Variants in USP24 observed in about 807,000 individuals in gnomAD.
USP24 encodes ubiquitin specific peptidase 24, also known as ubiquitin carboxyl-terminal hydrolase 24.
In USP24, 97 loss-of-function variants were observed where a neutral mutation model predicts 361.6. The ratio of observed to expected loss-of-function variants is 0.27; its 90% CI spans 0.23 to 0.32. The LOEUF (loss-of-function observed/expected upper bound fraction) is 0.32, where lower values mean the gene tolerates loss of function less well. Among genes scored for constraint, USP24 ranks in the 10% least tolerant of loss-of-function variants. The pLI is 1.00. For synonymous variants in USP24, 1,098 were observed against 1,124.6 expected (o/e 0.98, Z 0.47); for missense variants, 2,353 against 3,165.6 (o/e 0.74, Z 6.16).
In USP24 at chr1:55,214,964, G is replaced by A. The variant is rs773218262; in HGVS notation, c.150C>T (p.Tyr50=). ...CGCTGTCCATGGGCTCGTAGCCGCCGTAGTCGAGGCCCGGCCGCTCGTTGG... is the reference window on the plus strand; with the variant it reads ...CGCTGTCCATGGGCTCGTAGCCGCCATAGTCGAGGCCCGGCCGCTCGTTGG... ...LLTNERPGLD[Y]GGYEPMDSGG... The change falls in exon 1 of 68, where the codon TAC becomes TAT. Residue 50 remains tyrosine (Y), a synonymous_variant. Transcript: ENST00000294383. The A allele has an allele frequency of 1.4e-6, 2 of 1,428,810 alleles. No individual in the cohort carries two copies. Among genetic ancestry groups the A allele is most frequent in the Non-Finnish European group, 9.2e-7 (1 of 1,086,110 alleles). 88.5% of individuals were successfully genotyped at this position (1,428,810 alleles called of 1,614,324 possible).
At chr1:55,137,360 G>A (rs1221978152) in intron 28 of USP24, among the ~76,000 whole-genome samples, 155 bp downstream of exon 28, 2 of 152,204 alleles carry the variant, frequency 1.3e-5, no homozygotes, top group Non-Finnish European at 2.9e-5. Context: ...GAAGGTGTAA[G>A]TGGGATGAAG....
In USP24 at chr1:55,122,071, GTC is replaced by G. The variant is rs147865829; in HGVS notation, c.4277-567_4277-566del. 3.0e-3 allele frequency among the ~76,000 whole-genome samples: 463 copies of G among 152,290 alleles called. 3 individuals carry two copies. Among genetic ancestry groups the G allele is most frequent in the African/African-American group, 0.011 (450 of 41,566 alleles). On this transcript the variant is annotated intron_variant, in intron 36 of 67. Transcript: ENST00000294383. ...TCATCAGGGAACAAAATGAATAAAAGTCTCTGTCCTCATGGAGCTTTCAATCT... is the reference window on the plus strand; with the variant it reads ...TCATCAGGGAACAAAATGAATAAAAGTCTGTCCTCATGGAGCTTTCAATCT...
chr1:55,160,331 T>A (rs1049571346), intron 8 of USP24, among the ~76,000 whole-genome samples: 1 of 152,254 alleles, frequency 6.6e-6, no homozygotes, highest in Non-Finnish European at 1.5e-5. Context: ...CAGGCAGTTA[T>A]CCAGATAGAA....
rs558504573 is a variant in USP24, at chr1:55,134,476, A to G, written c.3202-63T>C. ...AAAGAATGTTCTCCTTTCCTAATCA[A>G]ACTTACAAACAATAAAAATACTAGT... On this transcript the variant is annotated intron_variant, in intron 28 of 67. Transcript: ENST00000294383. 10 of 1,399,450 alleles carry G rather than the reference A, an allele frequency of 7.1e-6. No individual in the cohort carries two copies. In the South Asian group the frequency reaches 7.3e-5, roughly 10 times the overall value. 86.7% of individuals were successfully genotyped at this position (1,399,450 alleles called of 1,614,324 possible).
intron 67 of USP24, chr1:55,071,586 C>T: frequency 7.8e-7 from 1 of 1,286,914 alleles, no homozygotes; most frequent in Non-Finnish European, 1.0e-6. Flanking sequence ...TGGCCAGCCA[C>T]AAACACCTCG....
In USP24 at chr1:55,089,751, A is replaced by T; in HGVS notation, c.6555-11T>A. 6.4e-7 allele frequency: 1 copy of T among 1,567,932 alleles called. No individual in the cohort carries two copies. Among genetic ancestry groups the T allele is most frequent in the Non-Finnish European group, 8.7e-7 (1 of 1,153,362 alleles). On this transcript the variant is annotated splice_polypyrimidine_tract_variant and intron_variant, in intron 54 of 67. Transcript: ENST00000294383. ...TCTTCAGTATCAACCCTTTAAAAAA[A>T]AGCAGATACAGCAATGTTAGGAGCA... is the stretch of plus-strand genomic sequence containing the variant.
Position 55,215,216 on chromosome 1 carries a change from T to C in USP24, c.-103A>G. The C allele has an allele frequency of 9.9e-7, 1 of 1,009,278 alleles. No individual in the cohort carries two copies. Among genetic ancestry groups the C allele is most frequent in the Non-Finnish European group, 1.3e-6 (1 of 797,508 alleles). The allele number at this position is 1,009,278 out of a possible 1,614,324, so 62.5% of individuals were successfully genotyped here. A position where few individuals can be genotyped will look rare whatever the true frequency, so the allele number is the denominator to read the frequency against. ...CCTCCGCGCCGCCTCCGCGCCCAGG[T>C]TGGCCCCTGCGTTCCTGCCCCGGGT... On this transcript the variant is annotated 5_prime_UTR_variant, in exon 1 of 68. Coordinates refer to ENST00000294383, the MANE Select transcript of USP24 (RefSeq NM_015306.3).
At chr1:55,126,299 T>C (rs1206535659) in intron 32 of USP24, among the ~76,000 whole-genome samples, 1 of 152,246 alleles carries the variant, frequency 6.6e-6, no homozygotes, top group East Asian at 1.9e-4. Flanking sequence ...AAAAGCTTTC[T>C]CCTGGGTCTC....
chr1:55,117,537 G>A (rs530804537), intron 38 of USP24, among the ~76,000 whole-genome samples: 1,967 of 151,618 alleles, frequency 0.013, 31 homozygotes, highest in Middle Eastern at 0.048. Flanking sequence ...GACCATCCTG[G>A]CTAACAAGGT....
Position 55,096,454 on chromosome 1 carries a change from T to C in USP24, c.6061+44A>G, listed in dbSNP as rs778205752. 9 of 1,429,016 alleles carry C rather than the reference T, an allele frequency of 6.3e-6. No individual in the cohort carries two copies. The African/African-American group carries it at 1.3e-4, about 21-fold the overall frequency. 88.5% of individuals were successfully genotyped at this position (1,429,016 alleles called of 1,614,324 possible). On this transcript the variant is annotated intron_variant, in intron 50 of 67. Coordinates refer to ENST00000294383, the MANE Select transcript of USP24 (RefSeq NM_015306.3). ...TACTATTAATTTTTATAGAAAACGA[T>C]AAATAAAAAAACTAATGGAAAATAT...
In USP24 at chr1:55,069,093, G is replaced by A; in HGVS notation, c.7815C>T (p.Pro2605=). The A allele has an allele frequency of 6.2e-7, 1 of 1,613,950 alleles. No homozygotes were observed. The highest frequency in any genetic ancestry group is 2.2e-5 in the East Asian group (1 of 44,890). The change falls in exon 68 of 68, where the codon CCC becomes CCT. Residue 2605 remains proline, a synonymous_variant. Transcript: ENST00000294383. ...CACTTCTCAACTCACCAATCATCAT[G>A]GGAGATTCTGAACCCTGCAGAAAAG... is the stretch of plus-strand genomic sequence containing the variant. ...DRHLQQGSES[P]MMIGELRSDL...
At chr1:55,148,028 A>AT (rs1279134206) in intron 17 of USP24, among the ~76,000 whole-genome samples, 5 of 152,124 alleles carry the variant, frequency 3.3e-5, no homozygotes, top group African/African-American at 1.2e-4. Context: ...CATTTTATTT[A>AT]TTTTTTTAAA....
chr1:55,075,339 T>G (rs373590745), intron 63 of USP24, 118 bp downstream of exon 63: 5 of 973,718 alleles, frequency 5.1e-6, no homozygotes, highest in Non-Finnish European at 7.6e-6. Flanking sequence ...TGACCAGACT[T>G]CTACTGTATC....
intron 57 of USP24, among the ~76,000 whole-genome samples, 154 bp from the exon 58 acceptor site, chr1:55,083,518 A>G (rs1468948022): frequency 6.6e-6 from 1 of 152,214 alleles, no homozygotes; most frequent in African/African-American, 2.4e-5. Flanking sequence ...TAATTAAAAA[A>G]ACTCCTGAGC....
chr1:55,101,028 T>C (rs1200820758), intron 43 of USP24, 64 bp from the exon 44 acceptor site: 6 of 1,571,468 alleles, frequency 3.8e-6, no homozygotes, highest in Non-Finnish European at 5.2e-6. Flanking sequence ...AACTCTGACA[T>C]ATGTACATGT....
At chr1:55,093,624 T>C (rs1645430448) in intron 52 of USP24, 1 of 226,106 alleles carries the variant, frequency 4.4e-6, no homozygotes, top group East Asian at 9.2e-5. Flanking sequence ...AATAAGTTTA[T>C]TTCAGCAACA....
chr1:55,099,810 G>T lies in USP24; in HGVS notation c.5331C>A (p.Phe1777Leu). Residue 1777 changes from phenylalanine to leucine, a missense_variant, in exon 45 of 68, where the codon TTC becomes TTA. Phe to Leu is a conservative substitution (Grantham distance 22). Coordinates refer to ENST00000294383, the MANE Select transcript of USP24 (RefSeq NM_015306.3). ...CCATCTGATCAATGAGACTAGTAAA[G>T]AATTCATATGCATCCTGCTGTTCTC... Reference protein sequence around the residue: ...YVREQQDAYEFFTSLIDQMDE... With the variant: ...YVREQQDAYELFTSLIDQMDE... The T allele has an allele frequency of 6.4e-7, 1 of 1,560,108 alleles. No individual in the cohort carries two copies. The highest frequency in any genetic ancestry group is 8.7e-7 in the Non-Finnish European group (1 of 1,150,780).
intron 12 of USP24, among the ~76,000 whole-genome samples, chr1:55,155,632 T>TA (rs1471508960): frequency 6.6e-6 from 1 of 152,212 alleles, no homozygotes; most frequent in Non-Finnish European, 1.5e-5. Context: ...CCTGACTTTT[T>TA]ATAGTCTGCT....
At chr1:55,179,955 C>T (rs988461668) in intron 1 of USP24, among the ~76,000 whole-genome samples, 1 of 152,170 alleles carries the variant, frequency 6.6e-6, no homozygotes, top group Non-Finnish European at 1.5e-5. Flanking sequence ...ATCTTCATGG[C>T]TTTTCTCTGT....
Sources: gnomAD v4.1 joint callset for allele counts (sites outside exome capture counted in the v4.1 genomes callset) on GRCh38, gnomAD v4.1.1 for gene constraint, MANE v1.5 for transcripts, NCBI Gene and HGNC (gene_info 2026-07-23, HGNC 2026-07-21) for gene names.